The following AMBRA1 variants were observed in gnomAD, a reference collection of about 807,000 sequenced individuals.
AMBRA1 encodes the protein autophagy and beclin 1 regulator 1.
AMBRA1 carries 47 observed loss-of-function variants against 125.4 expected under a neutral mutation model. The observed-to-expected ratio is 0.37, with a 90% CI of 0.30 to 0.48. The LOEUF is 0.48. Ranked by LOEUF, AMBRA1 falls within the 20% of genes least tolerant of loss-of-function variation. The pLI, the probability that AMBRA1 is intolerant of heterozygous loss-of-function variation, is 0.99. For synonymous variants in AMBRA1, 626 were observed against 655.5 expected (o/e 0.95, Z 0.69); for missense variants, 1,331 against 1,693.4 (o/e 0.79, Z 3.76).
intron 1 of AMBRA1, among the ~76,000 whole-genome samples, chr11:46,569,176 T>C (rs1441202211): frequency 6.7e-6 from 1 of 149,834 alleles, no homozygotes; most frequent in Non-Finnish European, 1.5e-5. Flanking sequence ...TAATAGGTTT[T>C]GCTTCCTGAA....
chr11:46,530,228 G>A (rs1445178098), intron 7 of AMBRA1, among the ~76,000 whole-genome samples: 1 of 152,190 alleles, frequency 6.6e-6, no homozygotes, highest in Admixed American at 6.6e-5. Context: ...CCAAGACCCA[G>A]AGCTGACAGA....
chr11:46,515,876 AT>A (rs1379648854), intron 7 of AMBRA1, among the ~76,000 whole-genome samples: 1 of 152,140 alleles, frequency 6.6e-6, no homozygotes, highest in Non-Finnish European at 1.5e-5. Context: ...GGGTTTCACC[AT>A]GTTGGTCAGG....
chr11:46,528,924 A>C (rs1174830401), intron 7 of AMBRA1, among the ~76,000 whole-genome samples: 2 of 152,194 alleles, frequency 1.3e-5, no homozygotes, highest in African/African-American at 2.4e-5. Context: ...GGAGGAAAAA[A>C]GCAGAAGAGG....
Position 46,543,972 on chromosome 11 carries a change from T to C in AMBRA1, c.618+3A>G, listed in dbSNP as rs761133575. The C allele has an allele frequency of 1.2e-4, 186 of 1,612,786 alleles. 3 individuals carry two copies. In the Admixed American group the frequency reaches 3.1e-3, roughly 26 times the overall value. On this transcript the variant is annotated splice_donor_region_variant and intron_variant, in intron 6 of 17. Transcript: ENST00000683756. ...TGGAATTGGAACTGCTGGACTAACT[T>C]ACCTGTTGATTAGAGGGGTTAACAA...
At chr11:46,461,574 G>A (rs1949090249) in intron 11 of AMBRA1, among the ~76,000 whole-genome samples, 1 of 152,150 alleles carries the variant, frequency 6.6e-6, no homozygotes, top group Admixed American at 6.5e-5. Context: ...TAAATACTTG[G>A]GGATGTGGAG....
At position 46,538,058 on chromosome 11, in the gene AMBRA1, G is replaced by A. The variant is rs1952560519; in HGVS notation, c.2072+3887C>T. Among the ~76,000 whole-genome samples, 3 of 152,190 alleles carry A rather than the reference G, an allele frequency of 2.0e-5. No individual in the cohort carries two copies. The South Asian group carries it at 6.2e-4, about 32-fold the overall frequency. On this transcript the variant is annotated intron_variant, in intron 7 of 17. Transcript: ENST00000683756. ...GAAGCAAGGGTTGGCTCATCACCTAGAGACTTTCAGCCCCTTTAGAAGGCA... is the reference window on the plus strand; with the variant it reads ...GAAGCAAGGGTTGGCTCATCACCTAAAGACTTTCAGCCCCTTTAGAAGGCA...
chr11:46,496,560 A>C (rs1396180658), intron 9 of AMBRA1, among the ~76,000 whole-genome samples: 1 of 152,162 alleles, frequency 6.6e-6, no homozygotes, highest in Non-Finnish European at 1.5e-5. Context: ...ACACGAATCT[A>C]TCTCTCGTTA....
chr11:46,412,410 G>T (rs764669049), intron 15 of AMBRA1, among the ~76,000 whole-genome samples: 2 of 151,868 alleles, frequency 1.3e-5, no homozygotes, highest in Non-Finnish European at 2.9e-5. Context: ...TCAGCCTCCC[G>T]AGTAGCTGGT....
At chr11:46,483,790 C>T (rs1024622394) in intron 11 of AMBRA1, among the ~76,000 whole-genome samples, 1 of 151,994 alleles carries the variant, frequency 6.6e-6, no homozygotes, top group Non-Finnish European at 1.5e-5. Context: ...GTCCCAGCTT[C>T]GGGAGGCTGA....
chr11:46,455,423 T>C (rs866805142), intron 11 of AMBRA1, among the ~76,000 whole-genome samples: 19 of 152,204 alleles, frequency 1.2e-4, no homozygotes, highest in Non-Finnish European at 2.4e-4. Context: ...TCATTTACTA[T>C]TGGTATCTTT....
intron 4 of AMBRA1, chr11:46,546,008 A>G: frequency 2.0e-6 from 1 of 491,404 alleles, no homozygotes; most frequent in Non-Finnish European, 3.6e-6. Flanking sequence ...TACAAGCATT[A>G]AGCATATATA....
intron 11 of AMBRA1, among the ~76,000 whole-genome samples, chr11:46,456,437 A>G (rs1948848249): frequency 6.6e-6 from 1 of 152,218 alleles, no homozygotes; most frequent in African/African-American, 2.4e-5. Flanking sequence ...AAGCCAGGAA[A>G]ACTGTCAGCC....
At chr11:46,434,799 C>A in intron 13 of AMBRA1, 50 bp downstream of exon 13, 1 of 1,524,490 alleles carries the variant, frequency 6.6e-7, no homozygotes, top group Non-Finnish European at 8.8e-7. Flanking sequence ...AATGACCATG[C>A]CAAGGCACCA....
intron 7 of AMBRA1, among the ~76,000 whole-genome samples, chr11:46,541,066 T>A (rs1172021091): frequency 1.3e-5 from 2 of 152,262 alleles, no homozygotes; most frequent in African/African-American, 4.8e-5. Flanking sequence ...CAGCGCAATA[T>A]GCTGTTTGGA....
At chr11:46,539,387 G>A (rs780797050) in intron 7 of AMBRA1, among the ~76,000 whole-genome samples, 8 of 151,974 alleles carry the variant, frequency 5.3e-5, no homozygotes, top group South Asian at 2.1e-4. Context: ...GAGAAAATCC[G>A]TCTCTACTAA....
intron 7 of AMBRA1, among the ~76,000 whole-genome samples, chr11:46,519,087 G>A (rs951046920): frequency 3.9e-5 from 6 of 152,136 alleles, no homozygotes; most frequent in African/African-American, 1.2e-4. Context: ...ACAGTGGCGC[G>A]ATCTTGGCTA....
rs1233279062 is a variant in AMBRA1, at chr11:46,397,725, G to A, written c.3622C>T (p.Pro1208Ser). Reference protein sequence around the residue: ...PGAAHTSSPQPSTSRGLLPEA... With the variant: ...PGAAHTSSPQSSTSRGLLPEA... ...GGGAGCAGTCCCCGAGAGGTGGAGG[G>A]CTGGGGTGAGGAGGTGTGGGCGGCA... is the stretch of plus-strand genomic sequence containing the variant. Residue 1208 changes from proline (P) to serine (S), a missense_variant, in exon 18 of 18, where the codon CCC becomes TCC. Transcript: ENST00000683756. 2.5e-6 allele frequency: 4 copies of A among 1,613,060 alleles called. No homozygotes were observed. The highest frequency in any genetic ancestry group is 1.6e-4 in the Middle Eastern group (1 of 6,084).
chr11:46,421,289 C>T (rs1201014544), intron 14 of AMBRA1, among the ~76,000 whole-genome samples: 1 of 152,208 alleles, frequency 6.6e-6, no homozygotes, highest in African/African-American at 2.4e-5. Flanking sequence ...ATGGCACTCC[C>T]TCATGCTCGA....
Position 46,593,979 on chromosome 11 carries a change from C to A in AMBRA1, c.-272G>T. 2 of 398,658 alleles carry A rather than the reference C, an allele frequency of 5.0e-6. No individual in the cohort carries two copies. Among genetic ancestry groups the A allele is most frequent in the South Asian group, 2.5e-4 (2 of 7,854 alleles). 24.7% of individuals were successfully genotyped at this position (398,658 alleles called of 1,614,324 possible). On this transcript the variant is annotated 5_prime_UTR_variant, in exon 1 of 18. Transcript: ENST00000683756. ...CGCGGGGCCTCGCGGACAACTCAGC[C>A]CTCGACCCGGCGCCGCCGCCGCTCA...
Sources: gnomAD v4.1 joint callset for allele counts (sites outside exome capture counted in the v4.1 genomes callset) on GRCh38, gnomAD v4.1.1 for gene constraint, MANE v1.5 for transcripts, NCBI Gene and HGNC (gene_info 2026-07-23, HGNC 2026-07-21) for gene names.